Variants in KCNMA1 observed in about 807,000 individuals in gnomAD.
The protein encoded by KCNMA1 is potassium calcium-activated channel subfamily M alpha 1.
Under a neutral mutation model 140.0 loss-of-function variants are expected in KCNMA1, and 29 were observed. The observed-to-expected ratio is 0.21, with a 90% CI of 0.15 to 0.28. The LOEUF (loss-of-function observed/expected upper bound fraction) is 0.28. Among genes scored for constraint, KCNMA1 ranks in the 10% least tolerant of loss-of-function variants. The probability of loss-of-function intolerance (pLI) is 1.00; values close to 1 mark genes in which losing one functional copy is unlikely to be tolerated. For synonymous variants in KCNMA1, 612 were observed against 611.9 expected, an observed-to-expected ratio of 1.00 and a Z score of 0.00; for missense variants, 880 against 1,602.2, an observed-to-expected ratio of 0.55 and a Z score of 7.70.
At chr10:77,481,242 A>C (rs934516631) in intron 1 of KCNMA1, among the ~76,000 whole-genome samples, 1 of 152,140 alleles carries the variant, frequency 6.6e-6, no homozygotes, top group South Asian at 2.1e-4. Context: ...AGGACCAATC[A>C]CTTATCTTTC....
At chr10:77,378,295 C>T (rs1401966014) in intron 2 of KCNMA1, among the ~76,000 whole-genome samples, 1 of 152,170 alleles carries the variant, frequency 6.6e-6, no homozygotes, top group Admixed American at 6.5e-5. Flanking sequence ...TTTCTGCCTC[C>T]CCAATGCCCC....
chr10:77,357,612 T>C (rs148920790), intron 2 of KCNMA1, among the ~76,000 whole-genome samples: 187 of 152,384 alleles, frequency 1.2e-3, no homozygotes, highest in Middle Eastern at 3.4e-3. Flanking sequence ...TTCTGCTTCA[T>C]TGGAATATGT....
intron 2 of KCNMA1, among the ~76,000 whole-genome samples, chr10:77,292,315 T>C (rs2154314043): frequency 6.6e-6 from 1 of 152,340 alleles, no homozygotes; most frequent in East Asian, 1.9e-4. Flanking sequence ...TGCGTTCCAT[T>C]AATTCATCCA....
rs1219826559 is a variant in KCNMA1, at chr10:77,637,726, A to G, written c.-84T>C. Reference sequence around the variant, plus strand: ...ACCCCAAACACCCATCAACAGCCATATTGCTGCTACTGCTGCCGCCGCCGC... The same window carrying G: ...ACCCCAAACACCCATCAACAGCCATGTTGCTGCTACTGCTGCCGCCGCCGC... On this transcript the variant is annotated 5_prime_UTR_variant, in exon 1 of 28. Coordinates refer to ENST00000286628, the MANE Select transcript of KCNMA1 (RefSeq NM_001161352.2). The G allele has an allele frequency of 6.0e-6, 8 of 1,332,106 alleles. No homozygotes were observed. The African/African-American group carries it at 1.3e-4, about 21-fold the overall frequency. 82.5% of individuals were successfully genotyped at this position (1,332,106 alleles called of 1,614,324 possible).
At chr10:77,083,743 G>A (rs996425477) in intron 12 of KCNMA1, among the ~76,000 whole-genome samples, 3 of 151,184 alleles carry the variant, frequency 2.0e-5, no homozygotes, top group Admixed American at 2.0e-4. Flanking sequence ...GCTGAGGTGA[G>A]AGGATCGTTT....
chr10:76,881,258 T>C (rs1378462130), downstream of KCNMA1, among the ~76,000 whole-genome samples: 1 of 152,188 alleles, frequency 6.6e-6, no homozygotes, highest in Non-Finnish European at 1.5e-5. Context: ...ACTAGTTGCA[T>C]GGCTCTGAAC....
At chr10:77,062,429 A>T (rs1029234956) in intron 14 of KCNMA1, among the ~76,000 whole-genome samples, 1 of 152,184 alleles carries the variant, frequency 6.6e-6, no homozygotes, top group Non-Finnish European at 1.5e-5. Flanking sequence ...TTACAGACAC[A>T]TTTCACACAT....
chr10:77,455,248 G>A (rs1477224197), intron 1 of KCNMA1, among the ~76,000 whole-genome samples: 1 of 152,142 alleles, frequency 6.6e-6, no homozygotes, highest in African/African-American at 2.4e-5. Flanking sequence ...ACTCAAAAAT[G>A]TGAAGAGGCT....
chr10:77,325,359 T>C (rs1373826438), intron 2 of KCNMA1, among the ~76,000 whole-genome samples: 2 of 152,000 alleles, frequency 1.3e-5, no homozygotes, highest in African/African-American at 4.8e-5. Context: ...GCACAGTAAA[T>C]GCAAACACAA....
At chr10:77,098,129 C>T (rs58763677) in intron 9 of KCNMA1, among the ~76,000 whole-genome samples, 3 of 152,090 alleles carry the variant, frequency 2.0e-5, no homozygotes, top group Non-Finnish European at 4.4e-5. Context: ...ATAATTAGAC[C>T]GTGGTGAGAA....
intron 2 of KCNMA1, among the ~76,000 whole-genome samples, chr10:77,266,360 G>T (rs982596422): frequency 1.3e-5 from 2 of 152,178 alleles, no homozygotes; most frequent in Non-Finnish European, 2.9e-5. Context: ...GACTTAGAGG[G>T]GAGAGAACAG....
rs11001966 is a variant in KCNMA1, at chr10:77,007,655, A to G, written c.2092+4312T>C. On this transcript the variant is annotated intron_variant, in intron 18 of 27. Transcript: ENST00000286628. ...ATCATGGTACATATTGTGTGTGTGT[A>G]TATATATATATATATATATATGTAT... Among the ~76,000 whole-genome samples, 125 of 42,838 alleles carry G rather than the reference A, an allele frequency of 2.9e-3. 2 individuals carry two copies. Among genetic ancestry groups the G allele is most frequent in the African/African-American group, 3.8e-3 (56 of 14,706 alleles). 28.1% of individuals were successfully genotyped at this position (42,838 alleles called of 152,430 possible).
At chr10:76,940,989 G>GAA in intron 23 of KCNMA1, among the ~76,000 whole-genome samples, 3 of 127,324 alleles carry the variant, frequency 2.4e-5, no homozygotes, top group African/African-American at 1.0e-4. Context: ...AAGAGAGAAA[G>GAA]AGAGAAAGAA....
At chr10:77,117,755 A>C (rs535638934) in intron 6 of KCNMA1, among the ~76,000 whole-genome samples, 4 of 151,634 alleles carry the variant, frequency 2.6e-5, no homozygotes, top group African/African-American at 9.7e-5. Flanking sequence ...TGTGTGTTAG[A>C]TCTCCAGTTT....
chr10:77,318,411 G>A (rs1021116110), intron 2 of KCNMA1, among the ~76,000 whole-genome samples: 7 of 152,246 alleles, frequency 4.6e-5, no homozygotes, highest in African/African-American at 1.4e-4. Context: ...AGCTCATGCC[G>A]CCATGGACTG....
intron 6 of KCNMA1, among the ~76,000 whole-genome samples, chr10:77,116,954 G>A (rs988090123): frequency 1.3e-5 from 2 of 152,100 alleles, no homozygotes; most frequent in African/African-American, 2.4e-5. Flanking sequence ...TGCATGATTT[G>A]GCCTCTCCCT....
intron 19 of KCNMA1, among the ~76,000 whole-genome samples, chr10:76,994,682 T>C (rs1333890541): frequency 6.6e-6 from 1 of 152,218 alleles, no homozygotes; most frequent in Non-Finnish European, 1.5e-5. Flanking sequence ...TGCTTATGAT[T>C]ACTAGGTCCA....
At chr10:77,043,975 A>G in intron 14 of KCNMA1, among the ~76,000 whole-genome samples, 1 of 152,214 alleles carries the variant, frequency 6.6e-6, no homozygotes, top group Non-Finnish European at 1.5e-5. Context: ...AAAAATGATT[A>G]AGATAGTAAA....
intron 2 of KCNMA1, among the ~76,000 whole-genome samples, chr10:77,321,310 T>C (rs2082270513): frequency 6.6e-6 from 1 of 152,058 alleles, no homozygotes; most frequent in Admixed American, 6.5e-5. Context: ...AAATAACATA[T>C]CAGTATCCAT....
Sources: gnomAD v4.1 joint callset for allele counts (sites outside exome capture counted in the v4.1 genomes callset) on GRCh38, gnomAD v4.1.1 for gene constraint, MANE v1.5 for transcripts, NCBI Gene and HGNC (gene_info 2026-07-23, HGNC 2026-07-21) for gene names.